The following MTMR3 variants were observed in gnomAD, a reference collection of about 807,000 sequenced individuals.
MTMR3 encodes myotubularin related protein 3.
Under a neutral mutation model 132.4 loss-of-function variants are expected in MTMR3, and 32 were observed. The observed-to-expected ratio is 0.24, with a 90% CI of 0.18 to 0.32. The LOEUF is 0.32. Among genes scored for constraint, MTMR3 ranks in the 10% least tolerant of loss-of-function variants. The pLI is 1.00. For missense variants in MTMR3, 1,216 were observed against 1,489.6 expected (o/e 0.82, Z 3.02); for synonymous variants, 556 against 550.3 (o/e 1.01, Z -0.14).
chr22:30,026,953 C>T lies in MTMR3; in HGVS notation c.*1152C>T, dbSNP rs770662461. 1 of 152,846 alleles carries T rather than the reference C, an allele frequency of 6.5e-6. No homozygotes were observed. The highest frequency in any genetic ancestry group is 2.4e-5 in the African/African-American group (1 of 41,466). 9.5% of individuals were successfully genotyped at this position (152,846 alleles called of 1,614,324 possible). ...GCTGTCTGAGTGGGCACTTGTCTGG[C>T]TGCTGGCCAGCAGTGAAGGGCCACT... On this transcript the variant is annotated 3_prime_UTR_variant, in exon 20 of 20. Transcript: ENST00000401950.
intron 1 of MTMR3, among the ~76,000 whole-genome samples, chr22:29,925,165 T>C (rs2065490850): frequency 6.6e-6 from 1 of 152,208 alleles, no homozygotes; most frequent in African/African-American, 2.4e-5. Context: ...CCCCAGTAGC[T>C]GGGACCAGAG....
rs146145828 is a variant in MTMR3, at chr22:30,022,046, G to A, written c.3243G>A (p.Ser1081=). The A allele has an allele frequency of 1.2e-3, 1,871 of 1,614,090 alleles. 2 individuals carry two copies. The highest frequency in any genetic ancestry group is 1.5e-3 in the Non-Finnish European group (1,782 of 1,179,958). ...GCCAACAGACTTCAATCCCCGACTC[G>A]GAAAGCAATCTGGATCAGAACTGTT... ...FGDEVTSIPD[S]ESNLDQNCLS... Residue 1081 remains serine, a synonymous_variant, in exon 18 of 20, where the codon TCG becomes TCA. Coordinates refer to ENST00000401950, the MANE Select transcript of MTMR3 (RefSeq NM_021090.4).
At chr22:29,965,215 G>A (rs1365664594) in intron 2 of MTMR3, among the ~76,000 whole-genome samples, 3 of 151,796 alleles carry the variant, frequency 2.0e-5, no homozygotes, top group African/African-American at 7.3e-5. Flanking sequence ...AGCTAACAGT[G>A]TCATACTGTC....
chr22:30,017,690 T>G, intron 15 of MTMR3: 3 of 464,242 alleles, frequency 6.5e-6, no homozygotes, highest in Non-Finnish European at 7.5e-6. Flanking sequence ...CTAAAAAATA[T>G]TTTATATTTT....
chr22:29,920,059 T>C (rs1298336138), intron 1 of MTMR3, among the ~76,000 whole-genome samples: 4 of 151,660 alleles, frequency 2.6e-5, no homozygotes, highest in Non-Finnish European at 5.9e-5. Context: ...ACTAAAAATA[T>C]GAAAATTAGC....
chr22:30,021,057 C>T (rs914232042), intron 17 of MTMR3, 173 bp downstream of exon 17: 81 of 673,352 alleles, frequency 1.2e-4, no homozygotes, highest in Non-Finnish European at 1.5e-4. Flanking sequence ...GCGATGGCAG[C>T]CTGCCTGTTT....
chr22:30,024,182 T>C (rs1442741162), intron 19 of MTMR3: 3 of 152,414 alleles, frequency 2.0e-5, no homozygotes, highest in African/African-American at 7.2e-5. Context: ...TAATCCCAGC[T>C]CCTTGGGAGG....
intron 1 of MTMR3, among the ~76,000 whole-genome samples, chr22:29,917,582 G>C (rs773359133): frequency 7.2e-5 from 11 of 152,192 alleles, no homozygotes; most frequent in Non-Finnish European, 1.6e-4. Context: ...TTAAAAAAAA[G>C]TGTAATTTTT....
intron 1 of MTMR3, among the ~76,000 whole-genome samples, chr22:29,883,701 C>T (rs959961690): frequency 6.6e-6 from 1 of 152,164 alleles, no homozygotes; most frequent in Non-Finnish European, 1.5e-5. Flanking sequence ...CCTCGGAGCG[C>T]CCGGAGTTAT....
chr22:30,017,950 G>A lies in MTMR3; in HGVS notation c.1698G>A (p.Val566=). 6.2e-7 allele frequency: 1 copy of A among 1,613,748 alleles called. No individual in the cohort carries two copies. Among genetic ancestry groups the A allele is most frequent in the Non-Finnish European group, 8.5e-7 (1 of 1,179,896 alleles). ...AGGTGCTGTACCCTGTGTGCCATGT[G>A]CGTAACCTGATGCTGTGGAGTGCAG... ...SEAVLYPVCH[V]RNLMLWSAVY... Residue 566 remains valine (V), a synonymous_variant, in exon 16 of 20, where the codon GTG becomes GTA. Transcript: ENST00000401950.
intron 2 of MTMR3, among the ~76,000 whole-genome samples, chr22:29,958,811 C>T (rs532521598): frequency 1.3e-5 from 2 of 152,346 alleles, no homozygotes; most frequent in African/African-American, 4.8e-5. Context: ...TTCACAGAAA[C>T]ACTCCTAGAC....
intron 6 of MTMR3, 121 bp from the exon 7 acceptor site, chr22:29,991,370 CTGACTGCCTCAGA>C: frequency 1.3e-6 from 1 of 769,430 alleles, no homozygotes; most frequent in Non-Finnish European, 2.0e-6. Flanking sequence ...ATGCGAATGA[CTGACTGCCTCAGA>C]TGCTTTCTTG....
chr22:29,992,536 C>T lies in MTMR3; in HGVS notation c.460+866C>T, dbSNP rs1200295081. 7.9e-5 allele frequency: 12 copies of T among 152,314 alleles called. No individual in the cohort carries two copies. In the East Asian group the frequency reaches 2.1e-3, roughly 27 times the overall value. The allele number at this position is 152,314 out of a possible 1,614,324, so 9.4% of individuals were successfully genotyped here. ...CATGTTATTTCTCTGCATGTAGTTT[C>T]TTGTAAACTTTATGTGGTCATAAAA... On this transcript the variant is annotated intron_variant, in intron 7 of 19. Coordinates refer to ENST00000401950, the MANE Select transcript of MTMR3 (RefSeq NM_021090.4).
intron 1 of MTMR3, among the ~76,000 whole-genome samples, chr22:29,933,664 T>C (rs1049361736): frequency 1.3e-5 from 2 of 151,250 alleles, no homozygotes; most frequent in Non-Finnish European, 2.9e-5. Context: ...AATCAGACTT[T>C]AGTCATCAAT....
At chr22:29,964,355 T>G (rs2066373252) in intron 2 of MTMR3, among the ~76,000 whole-genome samples, 1 of 152,212 alleles carries the variant, frequency 6.6e-6, no homozygotes, top group African/African-American at 2.4e-5. Flanking sequence ...GTTTGTTATT[T>G]TACATAATAC....
intron 15 of MTMR3, 142 bp from the exon 16 acceptor site, chr22:30,017,785 A>G: frequency 1.0e-6 from 1 of 1,002,262 alleles, no homozygotes; most frequent in Non-Finnish European, 1.5e-6. Flanking sequence ...ATAGACCTGT[A>G]TCCATTGGTG....
chr22:29,911,789 T>C (rs2065218419), intron 1 of MTMR3, among the ~76,000 whole-genome samples: 2 of 152,200 alleles, frequency 1.3e-5, no homozygotes, highest in South Asian at 4.1e-4. Context: ...TCTTCCATTT[T>C]TCAATGGCTT....
At chr22:29,929,402 A>G (rs1374666291) in intron 1 of MTMR3, among the ~76,000 whole-genome samples, 1 of 151,710 alleles carries the variant, frequency 6.6e-6, no homozygotes, top group East Asian at 1.9e-4. Context: ...TTTAATTTTC[A>G]TTTTTTCTGA....
chr22:29,944,089 G>A (rs2065909412), intron 1 of MTMR3, among the ~76,000 whole-genome samples: 1 of 151,970 alleles, frequency 6.6e-6, no homozygotes, highest in African/African-American at 2.4e-5. Flanking sequence ...AAAGTGGTGG[G>A]ATTACAGGTG....
Sources: gnomAD v4.1 joint callset for allele counts (sites outside exome capture counted in the v4.1 genomes callset) on GRCh38, gnomAD v4.1.1 for gene constraint, MANE v1.5 for transcripts, NCBI Gene and HGNC (gene_info 2026-07-23, HGNC 2026-07-21) for gene names.